The following ROBO2 variants were observed in gnomAD, a reference collection of about 807,000 sequenced individuals.
The protein encoded by ROBO2 is roundabout guidance receptor 2.
ROBO2 carries 53 observed loss-of-function variants against 160.8 expected under a neutral mutation model. That is an observed-to-expected ratio of 0.33 (90% CI 0.26 to 0.41). The LOEUF (loss-of-function observed/expected upper bound fraction) is 0.41, where lower values mean the gene tolerates loss of function less well. Ranked by LOEUF, ROBO2 falls within the 10% of genes least tolerant of loss-of-function variation. The pLI is 1.00. For synonymous variants in ROBO2, 664 were observed against 611.7 expected (o/e 1.09, Z -1.26); for missense variants, 1,577 against 1,722.4 (o/e 0.92, Z 1.49).
intron 2 of ROBO2, among the ~76,000 whole-genome samples, chr3:76,069,790 C>T (rs540650888): frequency 4.6e-5 from 7 of 152,160 alleles, no homozygotes; most frequent in Admixed American, 2.0e-4. Flanking sequence ...AGAGGTGTTG[C>T]GGGAAGTCAG....
chr3:77,528,560 C>T (rs1310954125), intron 6 of ROBO2, among the ~76,000 whole-genome samples: 1 of 151,622 alleles, frequency 6.6e-6, no homozygotes, highest in African/African-American at 2.4e-5. Context: ...GCAATACTCC[C>T]TTTTGATTAG....
At chr3:76,591,258 A>T (rs1031527814) in intron 2 of ROBO2, among the ~76,000 whole-genome samples, 4 of 152,182 alleles carry the variant, frequency 2.6e-5, no homozygotes, top group Non-Finnish European at 5.9e-5. Flanking sequence ...CTTACTATTC[A>T]TTAAGGGGAA....
At chr3:76,007,359 G>T (rs2066052699) in intron 2 of ROBO2, among the ~76,000 whole-genome samples, 1 of 151,990 alleles carries the variant, frequency 6.6e-6, no homozygotes, top group Non-Finnish European at 1.5e-5. Flanking sequence ...ACAGCTTCCA[G>T]GTAAAGTAAA....
chr3:77,364,046 T>C (rs1323163630), intron 2 of ROBO2, among the ~76,000 whole-genome samples: 2 of 152,182 alleles, frequency 1.3e-5, no homozygotes, highest in African/African-American at 4.8e-5. Flanking sequence ...AATCATTTTA[T>C]CTTAATACAA....
intron 2 of ROBO2, among the ~76,000 whole-genome samples, chr3:76,925,362 C>T (rs2076930455): frequency 1.3e-5 from 2 of 151,992 alleles, no homozygotes; most frequent in African/African-American, 4.8e-5. Context: ...CTAGTAATGG[C>T]CTGTTGTAGA....
intron 2 of ROBO2, among the ~76,000 whole-genome samples, chr3:76,500,897 A>G (rs993929190): frequency 6.6e-6 from 1 of 152,140 alleles, no homozygotes; most frequent in Non-Finnish European, 1.5e-5. Flanking sequence ...AAGAAATGCT[A>G]TTTTTTAGGG....
intron 2 of ROBO2, among the ~76,000 whole-genome samples, chr3:76,381,399 G>T (rs962464551): frequency 2.6e-5 from 4 of 152,032 alleles, no homozygotes; most frequent in Admixed American, 2.0e-4. Flanking sequence ...CTCCCAGGCT[G>T]GAGTGCAGTG....
chr3:77,467,109 A>C (rs2082846663), intron 2 of ROBO2, among the ~76,000 whole-genome samples: 1 of 152,200 alleles, frequency 6.6e-6, no homozygotes. Context: ...ATAATGCAGC[A>C]CATTAATATG....
Position 77,275,500 on chromosome 3 carries a change from G to T in ROBO2, c.388+177160G>T, listed in dbSNP as rs190156006. On this transcript the variant is annotated intron_variant, in intron 2 of 25. Transcript: ENST00000461745. ...CTTTCCAATTTCTCTCCCCAGTATG[G>T]TTACTCTGCCTCTTTAATTTATCCT... 7.5e-4 allele frequency among the ~76,000 whole-genome samples: 114 copies of T among 152,192 alleles called. 1 individual carries two copies. Among genetic ancestry groups the T allele is most frequent in the African/African-American group, 2.6e-3 (109 of 41,546 alleles).
rs558587729 is a variant in ROBO2, at chr3:77,136,817, A to T, written c.388+38477A>T. On this transcript the variant is annotated intron_variant, in intron 2 of 25. Transcript: ENST00000461745. ...ATGCCCAGCTAATTTTTGTATTTTT[A>T]GTAGAGATAGGGTTTCACTGTGTTA... Among the ~76,000 whole-genome samples, 13 of 151,834 alleles carry T rather than the reference A, an allele frequency of 8.6e-5. No homozygotes were observed. In the East Asian group the frequency reaches 2.5e-3, roughly 30 times the overall value.
intron 2 of ROBO2, among the ~76,000 whole-genome samples, chr3:76,984,581 T>G (rs544417135): frequency 7.9e-5 from 12 of 152,224 alleles, no homozygotes; most frequent in Middle Eastern, 3.4e-3. Flanking sequence ...GGTTAAACCC[T>G]TTTACTTTGG....
intron 5 of ROBO2, among the ~76,000 whole-genome samples, chr3:77,499,543 A>C (rs906456651): frequency 6.6e-6 from 1 of 152,164 alleles, no homozygotes; most frequent in African/African-American, 2.4e-5. Flanking sequence ...TAATGCTAAA[A>C]AAATATAAAA....
At chr3:77,550,222 T>G (rs924046519) in intron 7 of ROBO2, among the ~76,000 whole-genome samples, 1 of 152,092 alleles carries the variant, frequency 6.6e-6, no homozygotes, top group Non-Finnish European at 1.5e-5. Context: ...GTAATTTGCT[T>G]ACTCTTGCTT....
At position 76,611,054 on chromosome 3, in the gene ROBO2, T is replaced by C. The variant is rs182598793; in HGVS notation, c.110-486960T>C. Among the ~76,000 whole-genome samples the C allele has an allele frequency of 1.0e-3, 152 of 152,240 alleles. 2 individuals are homozygous for C. The highest frequency in any genetic ancestry group is 5.9e-5 in the Non-Finnish European group (4 of 68,000). On this transcript the variant is annotated intron_variant, in intron 2 of 26. Coordinates refer to the ROBO2 transcript ENST00000487694. ...ATGCTGGACTTAGAACGGTGGAGTG[T>C]GGGCTGATTGGTTCATGGGTGGGCG...
At chr3:76,812,891 C>T (rs1383451616) in intron 2 of ROBO2, among the ~76,000 whole-genome samples, 1 of 145,688 alleles carries the variant, frequency 6.9e-6, no homozygotes, top group African/African-American at 2.5e-5. Flanking sequence ...ATAAAAGTGT[C>T]CTGGCACAGA....
At chr3:77,126,946 GC>G (rs1188263497) in intron 2 of ROBO2, among the ~76,000 whole-genome samples, 3 of 151,340 alleles carry the variant, frequency 2.0e-5, no homozygotes, top group African/African-American at 7.3e-5. Context: ...CCGCCACCAC[GC>G]CCGGCTAATT....
At chr3:77,546,226 TGTA>T (rs1393526757) in intron 6 of ROBO2, 109 bp from the exon 8 acceptor site, 7 of 1,136,632 alleles carry the variant, frequency 6.2e-6, no homozygotes, top group Admixed American at 5.8e-5. Flanking sequence ...AATAAAAAAC[TGTA>T]GTCTCTCTCT....
intron 2 of ROBO2, among the ~76,000 whole-genome samples, chr3:76,628,963 A>G (rs2089849721): frequency 8.1e-6 from 1 of 123,682 alleles, no homozygotes; most frequent in African/African-American, 3.2e-5. Flanking sequence ...CATCATTCCA[A>G]ATATGTTGAA....
At chr3:76,864,067 AT>A (rs1247659079) in intron 2 of ROBO2, among the ~76,000 whole-genome samples, 1 of 151,960 alleles carries the variant, frequency 6.6e-6, no homozygotes, top group Non-Finnish European at 1.5e-5. Flanking sequence ...AATCTACTAC[AT>A]TTCATTCTAC....
Sources: gnomAD v4.1 joint callset for allele counts (sites outside exome capture counted in the v4.1 genomes callset) on GRCh38, gnomAD v4.1.1 for gene constraint, MANE v1.5 for transcripts, NCBI Gene and HGNC (gene_info 2026-07-23, HGNC 2026-07-21) for gene names.